DEFB119: variants seen among roughly 807,000 people sequenced by gnomAD.
DEFB119 encodes defensin beta 119.
In DEFB119, 3 loss-of-function variants were observed where a neutral mutation model predicts 2.5. The observed-to-expected ratio is 1.19, with a 90% CI of 0.54 to 3.07. DEFB119 has a LOEUF of 3.07. DEFB119 is among the 30% of genes most tolerant of loss of function. DEFB119 has a pLI of 0.03. For missense variants in DEFB119, 113 were observed against 101.1 expected (o/e 1.12, Z -0.50); for synonymous variants, 29 against 33.7 (o/e 0.86, Z 0.48).
intron 1 of DEFB119, among the ~76,000 whole-genome samples, chr20:31,380,689 T>G (rs1011139241): frequency 6.6e-6 from 1 of 152,150 alleles, no homozygotes; most frequent in Non-Finnish European, 1.5e-5. Flanking sequence ...GGACCTTTCT[T>G]CCAATGAATT....
intron 1 of DEFB119, chr20:31,378,521 C>T (rs1986387939): frequency 3.5e-6 from 5 of 1,413,190 alleles, no homozygotes; most frequent in Non-Finnish European, 4.8e-6. Flanking sequence ...AAAATCTTAA[C>T]TTTAATGAAA....
At chr20:31,386,337 G>T (rs898097875) in intron 1 of DEFB119, among the ~76,000 whole-genome samples, 1 of 152,184 alleles carries the variant, frequency 6.6e-6, no homozygotes, top group Non-Finnish European at 1.5e-5. Context: ...AAGTGTCCCA[G>T]CTCCCAGAGA....
chr20:31,381,467 G>A (rs770022548), intron 1 of DEFB119, among the ~76,000 whole-genome samples: 1 of 152,140 alleles, frequency 6.6e-6, no homozygotes, highest in Non-Finnish European at 1.5e-5. Flanking sequence ...GAAATACTCA[G>A]AACTAAAAGG....
chr20:31,380,513 G>A (rs373078890), intron 1 of DEFB119, among the ~76,000 whole-genome samples: 24 of 152,000 alleles, frequency 1.6e-4, no homozygotes, highest in African/African-American at 5.1e-4. Flanking sequence ...TGATCCTCCC[G>A]CCTCAGCATC....
At chr20:31,388,881 C>G in intron 1 of DEFB119, 1 of 1,445,402 alleles carries the variant, frequency 6.9e-7, no homozygotes, top group Non-Finnish European at 9.3e-7. Flanking sequence ...AGTGACTTCT[C>G]TCGACTAGCT....
At chr20:31,379,572 C>G (rs1000567139) in intron 1 of DEFB119, among the ~76,000 whole-genome samples, 1 of 151,784 alleles carries the variant, frequency 6.6e-6, no homozygotes, top group Non-Finnish European at 1.5e-5. Flanking sequence ...CTGCTCATTG[C>G]AACCTCTGCC....
intron 1 of DEFB119, among the ~76,000 whole-genome samples, chr20:31,385,395 C>T (rs1483832012): frequency 6.3e-5 from 8 of 126,966 alleles, no homozygotes; most frequent in Non-Finnish European, 1.3e-4. Flanking sequence ...AAAAAAAACA[C>T]AGTTTGATTC....
chr20:31,386,006 G>A (rs900947019), intron 1 of DEFB119, among the ~76,000 whole-genome samples: 1 of 152,134 alleles, frequency 6.6e-6, no homozygotes. Context: ...CAGCTGGAGG[G>A]AGCCATGAAC....
intron 1 of DEFB119, among the ~76,000 whole-genome samples, chr20:31,380,340 A>G (rs1986461688): frequency 6.6e-6 from 1 of 152,108 alleles, no homozygotes; most frequent in Non-Finnish European, 1.5e-5. Context: ...ATCATAGCTC[A>G]CTATAACCTC....
chr20:31,387,317 G>A (rs1480592256), intron 1 of DEFB119, among the ~76,000 whole-genome samples: 2 of 152,144 alleles, frequency 1.3e-5, no homozygotes, highest in African/African-American at 4.8e-5. Flanking sequence ...TGGGTTATCA[G>A]CCAGAGCAGG....
intron 1 of DEFB119, among the ~76,000 whole-genome samples, chr20:31,386,249 G>A (rs1986700028): frequency 6.6e-6 from 1 of 152,116 alleles, no homozygotes; most frequent in African/African-American, 2.4e-5. Context: ...AAACCTGGGG[G>A]CAGGGAGACC....
chr20:31,383,532 TTA>T (rs372113476), intron 1 of DEFB119, among the ~76,000 whole-genome samples: 354 of 18,246 alleles, frequency 0.019, 13 homozygotes, highest in East Asian at 0.1. Flanking sequence ...AGACTCTGTC[TTA>T]AAAAAAAAAA....
In DEFB119 at chr20:31,390,578, C is replaced by G. The variant is rs771378479; in HGVS notation, c.-95G>C. On this transcript the variant is annotated 5_prime_UTR_variant, in exon 1 of 2. Transcript: ENST00000376321. Reference sequence around the variant, plus strand: ...CAGAGATGAGCTTTGCTTTTATCAGCAGGGCTGTGGGCAGTGAATTAGAAC... The same window carrying G: ...CAGAGATGAGCTTTGCTTTTATCAGGAGGGCTGTGGGCAGTGAATTAGAAC... 6.5e-6 allele frequency: 8 copies of G among 1,237,176 alleles called. No homozygotes were observed. Among genetic ancestry groups the G allele is most frequent in the Non-Finnish European group, 9.4e-6 (8 of 854,752 alleles). The allele number at this position is 1,237,176 out of a possible 1,614,324, so 76.6% of individuals were successfully genotyped here. A position where few individuals can be genotyped will look rare whatever the true frequency, so the allele number is the denominator to read the frequency against.
intron 1 of DEFB119, chr20:31,378,453 A>C: frequency 6.2e-7 from 1 of 1,607,440 alleles, no homozygotes; most frequent in South Asian, 1.1e-5. Flanking sequence ...CTCATAACAT[A>C]ATAATATCAA....
At position 31,377,184 on chromosome 20, in the gene DEFB119, A is replaced by AT. The variant is rs1042664303; in HGVS notation, c.*61dup. 1 of 1,491,552 alleles carries AT rather than the reference A, an allele frequency of 6.7e-7. No individual in the cohort carries two copies. The highest frequency in any genetic ancestry group is 1.4e-5 in the African/African-American group (1 of 71,394). The allele number at this position is 1,491,552 out of a possible 1,614,324, so 92.4% of individuals were successfully genotyped here. ...AAGGGTAGCAGGCACATGAATTTTA[A>AT]TGAGGGGGGTTGACAGCAGGTCTCT... On this transcript the variant is annotated 3_prime_UTR_variant, in exon 2 of 2. Transcript: ENST00000376321.
intron 1 of DEFB119, chr20:31,389,140 A>G (rs1004592694): frequency 2.5e-6 from 4 of 1,614,200 alleles, no homozygotes; most frequent in African/African-American, 1.3e-5. Flanking sequence ...ACGACTAGGA[A>G]CACAGCACCG....
chr20:31,383,046 T>C (rs780562480), intron 1 of DEFB119, among the ~76,000 whole-genome samples: 1 of 152,128 alleles, frequency 6.6e-6, no homozygotes, highest in South Asian at 2.1e-4. Flanking sequence ...AAATGTTGAG[T>C]GCTGAGGGAA....
At position 31,381,277 on chromosome 20, in the gene DEFB119, T is replaced by C. The variant is rs183079077; in HGVS notation, c.62-3838A>G. Reference sequence around the variant, plus strand: ...ATGTTTACCTTGTATCCTGGGACCTTACTGAACCTACTTATTAGTTTTAGG... The same window carrying C: ...ATGTTTACCTTGTATCCTGGGACCTCACTGAACCTACTTATTAGTTTTAGG... On this transcript the variant is annotated intron_variant, in intron 1 of 1. Transcript: ENST00000376321. Among the ~76,000 whole-genome samples the C allele has an allele frequency of 2.6e-5, 4 of 152,344 alleles. No homozygotes were observed. The East Asian group carries it at 7.7e-4, about 29-fold the overall frequency.
intron 1 of DEFB119, among the ~76,000 whole-genome samples, chr20:31,381,339 G>T (rs1449806866): frequency 6.6e-6 from 1 of 152,180 alleles, no homozygotes; most frequent in Non-Finnish European, 1.5e-5. Flanking sequence ...TTTGTTTGTA[G>T]ATTTCTTAGG....
Sources: allele counts gnomAD v4.1 joint callset (sites outside exome capture counted in the v4.1 genomes callset), GRCh38; gene constraint gnomAD v4.1.1; transcripts MANE v1.5; gene names NCBI Gene and HGNC (gene_info 2026-07-23, HGNC 2026-07-21).